The following NEGR1 variants were observed in gnomAD, a reference collection of about 807,000 sequenced individuals.
NEGR1 encodes the protein IgLON family member 4.
Under a neutral mutation model 40.9 loss-of-function variants are expected in NEGR1, and 10 were observed. That is an observed-to-expected ratio of 0.24 (90% CI 0.15 to 0.42). The LOEUF (loss-of-function observed/expected upper bound fraction) is 0.42, where lower values mean the gene tolerates loss of function less well. Among genes scored for constraint, NEGR1 ranks in the 10% least tolerant of loss-of-function variants. The probability of loss-of-function intolerance (pLI) is 1.00; values close to 1 mark genes in which losing one functional copy is unlikely to be tolerated. For synonymous variants in NEGR1, 185 were observed against 166.8 expected, an observed-to-expected ratio of 1.11 and a Z score of -0.84; for missense variants, 352 against 438.9, an observed-to-expected ratio of 0.80 and a Z score of 1.77.
intron 6 of NEGR1, among the ~76,000 whole-genome samples, chr1:71,578,883 T>A (rs1282888205): frequency 6.6e-6 from 1 of 152,158 alleles, no homozygotes; most frequent in Non-Finnish European, 1.5e-5. Context: ...GCATATCTGA[T>A]TTTCCAGAAA....
chr1:71,454,763 C>T (rs1157805753), intron 6 of NEGR1, among the ~76,000 whole-genome samples: 6 of 152,192 alleles, frequency 3.9e-5, no homozygotes, highest in African/African-American at 1.4e-4. Flanking sequence ...GAAAATGACT[C>T]ACAAGATGTG....
intron 1 of NEGR1, among the ~76,000 whole-genome samples, chr1:72,012,306 G>T (rs1045474634): frequency 6.6e-6 from 1 of 151,988 alleles, no homozygotes; most frequent in Admixed American, 6.6e-5. Flanking sequence ...TAACTAAAGG[G>T]CTCAAGGTTA....
chr1:71,941,823 T>C (rs1180751657), intron 1 of NEGR1, among the ~76,000 whole-genome samples: 1 of 152,080 alleles, frequency 6.6e-6, no homozygotes, highest in African/African-American at 2.4e-5. Context: ...AAACAAGACT[T>C]TGAGTTAGGT....
At chr1:72,094,425 C>T (rs1038429963) in intron 1 of NEGR1, among the ~76,000 whole-genome samples, 2 of 152,154 alleles carry the variant, frequency 1.3e-5, no homozygotes, top group African/African-American at 4.8e-5. Flanking sequence ...TCCCTATTCT[C>T]TGTGTTCTTG....
chr1:71,514,834 TAGA>T (rs1366192245), intron 6 of NEGR1, among the ~76,000 whole-genome samples: 2 of 100,686 alleles, frequency 2.0e-5, no homozygotes, highest in Non-Finnish European at 3.7e-5. Context: ...GAAAAAAATT[TAGA>T]AGAATGTATA....
rs111973890 is a variant in NEGR1, at chr1:72,094,802, T to C, written c.177-159491A>G. On this transcript the variant is annotated intron_variant, in intron 1 of 6. Transcript: ENST00000357731. ...CTCACTGGTATTTTGTTAACACTAATTACAGTGAGTGGACCAAAAGTAATA... is the reference window on the plus strand; with the variant it reads ...CTCACTGGTATTTTGTTAACACTAACTACAGTGAGTGGACCAAAAGTAATA... Among the ~76,000 whole-genome samples the C allele has an allele frequency of 9.6e-3, 1,464 of 152,266 alleles. 33 individuals are homozygous for C. Among genetic ancestry groups the C allele is most frequent in the African/African-American group, 0.034 (1,402 of 41,538 alleles).
intron 2 of NEGR1, among the ~76,000 whole-genome samples, chr1:71,928,602 C>G (rs754107645): frequency 6.7e-6 from 1 of 148,846 alleles, no homozygotes; most frequent in Admixed American, 6.7e-5. Flanking sequence ...CAGCATCTCA[C>G]TGTTTTATAT....
chr1:71,937,288 C>T (rs889392559), intron 1 of NEGR1, among the ~76,000 whole-genome samples: 2 of 152,142 alleles, frequency 1.3e-5, no homozygotes, highest in Admixed American at 1.3e-4. Context: ...AGCATATTGT[C>T]ATTCTTAACA....
At chr1:71,521,741 T>C (rs1326888143) in intron 6 of NEGR1, among the ~76,000 whole-genome samples, 1 of 151,954 alleles carries the variant, frequency 6.6e-6, no homozygotes, top group Admixed American at 6.6e-5. Context: ...GTACAAATAA[T>C]AGTCTGATGA....
intron 4 of NEGR1, among the ~76,000 whole-genome samples, chr1:71,683,964 T>TA (rs1176556645): frequency 6.6e-6 from 1 of 152,100 alleles, no homozygotes; most frequent in African/African-American, 2.4e-5. Flanking sequence ...GTTTACTGTC[T>TA]GAGGATACAA....
intron 6 of NEGR1, among the ~76,000 whole-genome samples, chr1:71,474,826 G>T (rs1188253342): frequency 6.7e-6 from 1 of 150,040 alleles, no homozygotes; most frequent in East Asian, 2.0e-4. Flanking sequence ...TTTAAACTTT[G>T]TTAGAAATAT....
intron 3 of NEGR1, among the ~76,000 whole-genome samples, chr1:71,729,211 T>G (rs925014968): frequency 6.6e-6 from 1 of 152,068 alleles, no homozygotes; most frequent in Non-Finnish European, 1.5e-5. Flanking sequence ...ACCAGTTGTG[T>G]GCAAAATTTC....
chr1:71,638,536 T>A (rs1247821577), intron 4 of NEGR1, among the ~76,000 whole-genome samples: 1 of 152,092 alleles, frequency 6.6e-6, no homozygotes, highest in Non-Finnish European at 1.5e-5. Flanking sequence ...AGCTGCACAG[T>A]GATAGGGACA....
chr1:71,798,449 C>T (rs1246756153), intron 2 of NEGR1, among the ~76,000 whole-genome samples: 1 of 152,076 alleles, frequency 6.6e-6, no homozygotes, highest in Non-Finnish European at 1.5e-5. Context: ...ATTACAATTG[C>T]ATGTAATAAA....
intron 1 of NEGR1, among the ~76,000 whole-genome samples, chr1:71,968,831 T>A (rs539029720): frequency 2.0e-5 from 3 of 152,214 alleles, no homozygotes; most frequent in Non-Finnish European, 2.9e-5. Flanking sequence ...GAGGCCTTGG[T>A]TTTAGGCAGT....
intron 6 of NEGR1, among the ~76,000 whole-genome samples, chr1:71,484,521 G>C (rs1194121894): frequency 6.6e-6 from 1 of 151,696 alleles, no homozygotes; most frequent in Non-Finnish European, 1.5e-5. Flanking sequence ...TATCCCCTTA[G>C]AAAACAATCT....
At chr1:71,997,342 C>G (rs535720630) in intron 1 of NEGR1, among the ~76,000 whole-genome samples, 2 of 152,144 alleles carry the variant, frequency 1.3e-5, no homozygotes, top group East Asian at 3.9e-4. Flanking sequence ...ATTGTAGACA[C>G]AACAGACTAC....
intron 1 of NEGR1, among the ~76,000 whole-genome samples, chr1:72,072,842 G>T (rs1193172651): frequency 6.6e-6 from 1 of 152,126 alleles, no homozygotes; most frequent in African/African-American, 2.4e-5. Flanking sequence ...AATTGGTGGG[G>T]AAATATGCCT....
chr1:71,964,499 G>A (rs1646194403), intron 1 of NEGR1, among the ~76,000 whole-genome samples: 1 of 152,092 alleles, frequency 6.6e-6, no homozygotes, highest in Non-Finnish European at 1.5e-5. Context: ...CTGTAGAGGT[G>A]CCACACACAT....
Sources: gnomAD v4.1 joint callset for allele counts (sites outside exome capture counted in the v4.1 genomes callset) on GRCh38, gnomAD v4.1.1 for gene constraint, MANE v1.5 for transcripts, NCBI Gene and HGNC (gene_info 2026-07-23, HGNC 2026-07-21) for gene names.